The following BEND6 variants were observed in gnomAD, a reference collection of about 807,000 sequenced individuals.
BEND6 encodes the protein BEN domain-containing protein 6.
BEND6 carries 24 observed loss-of-function variants against 31.8 expected under a neutral mutation model. That is an observed-to-expected ratio of 0.75 (90% CI 0.55 to 1.06). The LOEUF is 1.06. BEND6 is among the 50% of genes least tolerant of loss of function. The pLI is 0.00. For missense variants in BEND6, 294 were observed against 327.4 expected (o/e 0.90, Z 0.79); for synonymous variants, 109 against 114.6 (o/e 0.95, Z 0.31).
intron 3 of BEND6, among the ~76,000 whole-genome samples, chr6:56,993,825 G>A (rs1415927836): frequency 6.6e-6 from 1 of 152,100 alleles, no homozygotes; most frequent in Admixed American, 6.5e-5. Context: ...AGCCTCCTGA[G>A]TAGCTAGGAC....
intron 3 of BEND6, chr6:57,004,792 T>G (rs536115487): frequency 1.1e-6 from 1 of 899,676 alleles, no homozygotes; most frequent in Admixed American, 1.7e-5. Context: ...CATCAAAGAA[T>G]TGGGTGACCA....
chr6:56,982,633 C>A (rs1826111276), intron 2 of BEND6, among the ~76,000 whole-genome samples: 1 of 151,888 alleles, frequency 6.6e-6, no homozygotes, highest in South Asian at 2.1e-4. Context: ...TGTTTTATTT[C>A]ATATATTCTT....
intron 3 of BEND6, among the ~76,000 whole-genome samples, chr6:56,999,758 C>T (rs138456958): frequency 9.9e-4 from 151 of 152,336 alleles, no homozygotes; most frequent in Admixed American, 1.9e-3. Flanking sequence ...CAAGTCTATA[C>T]CCAGCCACTT....
At chr6:57,002,323 A>T (rs1826975236) in intron 3 of BEND6, among the ~76,000 whole-genome samples, 2 of 152,192 alleles carry the variant, frequency 1.3e-5, no homozygotes, top group Non-Finnish European at 2.9e-5. Context: ...GAAAACTAAC[A>T]CAGGAATTCT....
intron 6 of BEND6, among the ~76,000 whole-genome samples, chr6:57,025,763 T>C (rs1286397189): frequency 6.6e-6 from 1 of 152,160 alleles, no homozygotes; most frequent in Non-Finnish European, 1.5e-5. Context: ...GAAGCCTGAA[T>C]CTCTTACCAC....
At chr6:56,984,757 G>T (rs535966927) in intron 2 of BEND6, among the ~76,000 whole-genome samples, 1 of 152,036 alleles carries the variant, frequency 6.6e-6, no homozygotes, top group African/African-American at 2.4e-5. Flanking sequence ...ATTTATGACA[G>T]TTATCTAAAC....
intron 3 of BEND6, chr6:57,008,432 A>C (rs770468159): frequency 7.0e-6 from 4 of 572,762 alleles, no homozygotes; most frequent in Non-Finnish European, 1.2e-5. Flanking sequence ...GTGCTGTGGA[A>C]ATCTGTCTGT....
chr6:57,012,566 T>G (rs1161740814), intron 3 of BEND6, among the ~76,000 whole-genome samples: 3 of 152,234 alleles, frequency 2.0e-5, no homozygotes, highest in African/African-American at 7.2e-5. Context: ...TGTAAGGTTT[T>G]GCCTTTAATT....
intron 3 of BEND6, among the ~76,000 whole-genome samples, chr6:57,001,799 G>A (rs56275751): frequency 1.8e-4 from 28 of 152,270 alleles, no homozygotes; most frequent in Non-Finnish European, 3.4e-4. Context: ...ACTTAAGTAC[G>A]TTGCCCACAG....
chr6:56,957,487 T>A (rs1825129244), intron 1 of BEND6, among the ~76,000 whole-genome samples: 1 of 152,226 alleles, frequency 6.6e-6, no homozygotes, highest in South Asian at 2.1e-4. Flanking sequence ...TGGTGCCTAA[T>A]GCATTGCGGA....
intron 1 of BEND6, among the ~76,000 whole-genome samples, chr6:56,967,302 G>A (rs1369612273): frequency 1.3e-5 from 2 of 152,162 alleles, no homozygotes; most frequent in Admixed American, 6.5e-5. Context: ...AGATCATGCT[G>A]TACCTCAGGG....
chr6:57,026,519 A>G lies in BEND6; in HGVS notation c.*447A>G, dbSNP rs1051058687. 5 of 152,248 alleles carry G rather than the reference A, an allele frequency of 3.3e-5. No individual in the cohort carries two copies. The highest frequency in any genetic ancestry group is 1.9e-4 in the East Asian group (1 of 5,206). The allele number at this position is 152,248 out of a possible 1,614,324, so 9.4% of individuals were successfully genotyped here. The stretch of plus-strand genomic sequence containing the variant: ...CCATTATAGTTTTTGGATCTTTAGC[A>G]TAAGCACATGCTTGCAAAAGTAAAC... On this transcript the variant is annotated 3_prime_UTR_variant, in exon 7 of 7. Transcript: ENST00000370746.
Position 56,981,885 on chromosome 6 carries a change from G to T in BEND6, c.75G>T (p.Glu25Asp). ...GAAAAGGAAAGAGGAAAAGAACAGA[G>T]ACAATGGACTCAGAAAATGCAAATA... ...AFRKGKRKRT[E>D]TMDSENANSD... The change falls in exon 2 of 7, where the codon GAG becomes GAT. Residue 25 changes from glutamate to aspartate, a missense_variant. Coordinates refer to ENST00000370746, the MANE Select transcript of BEND6 (RefSeq NM_152731.3). 6.2e-7 allele frequency: 1 copy of T among 1,612,858 alleles called. No individual in the cohort carries two copies. The highest frequency in any genetic ancestry group is 1.1e-5 in the South Asian group (1 of 90,912).
intron 2 of BEND6, 95 bp downstream of exon 2, chr6:56,982,025 A>G (rs1826090369): frequency 7.8e-7 from 1 of 1,277,334 alleles, no homozygotes; most frequent in Admixed American, 2.6e-5. Context: ...TCCCTCTTCT[A>G]TTATTTAATT....
intron 1 of BEND6, among the ~76,000 whole-genome samples, chr6:56,979,303 T>C (rs1024987847): frequency 6.6e-6 from 1 of 152,180 alleles, no homozygotes; most frequent in African/African-American, 2.4e-5. Context: ...ACTAAAATTA[T>C]AAGCTCATTT....
chr6:57,002,686 C>A (rs990814393), intron 3 of BEND6, among the ~76,000 whole-genome samples: 2 of 151,862 alleles, frequency 1.3e-5, no homozygotes, highest in Non-Finnish European at 2.9e-5. Context: ...ATATAACATA[C>A]CAAAATTTCT....
chr6:56,981,947 C>A lies in BEND6; in HGVS notation c.120+17C>A. ...AAAGGACAGGTTGGTTTTTTGTTAC[C>A]TTGACTCAACTTTGTTATCTAGCTC... On this transcript the variant is annotated intron_variant, in intron 2 of 6. Coordinates refer to ENST00000370746, the MANE Select transcript of BEND6 (RefSeq NM_152731.3). 1 of 1,596,512 alleles carries A rather than the reference C, an allele frequency of 6.3e-7. No homozygotes were observed. Among genetic ancestry groups the A allele is most frequent in the South Asian group, 1.2e-5 (1 of 86,660 alleles).
At chr6:56,982,016 C>T in intron 2 of BEND6, 86 bp downstream of exon 2, 1 of 1,321,710 alleles carries the variant, frequency 7.6e-7, no homozygotes, top group Non-Finnish European at 1.0e-6. Context: ...TAGTGCTTCT[C>T]CCTCTTCTAT....
chr6:57,012,517 C>T (rs1044644061), intron 3 of BEND6, among the ~76,000 whole-genome samples: 3 of 152,152 alleles, frequency 2.0e-5, no homozygotes, highest in Non-Finnish European at 4.4e-5. Context: ...ATTTGTCAAA[C>T]GCATCCCCTT....
Sources: gnomAD v4.1 joint callset for allele counts (sites outside exome capture counted in the v4.1 genomes callset) on GRCh38, gnomAD v4.1.1 for gene constraint, MANE v1.5 for transcripts, NCBI Gene and HGNC (gene_info 2026-07-23, HGNC 2026-07-21) for gene names.